RAPGEF2: variants seen among roughly 807,000 people sequenced by gnomAD.
RAPGEF2 encodes the protein Rap guanine nucleotide exchange factor 2, also known as PDZ domain containing guanine nucleotide exchange factor (GEF) 1.
In RAPGEF2, 54 loss-of-function variants were observed where a neutral mutation model predicts 186.7. The ratio of observed to expected loss-of-function variants is 0.29; its 90% CI spans 0.23 to 0.36. The LOEUF (loss-of-function observed/expected upper bound fraction) is 0.36, where lower values mean the gene tolerates loss of function less well. RAPGEF2 is among the 10% of genes least tolerant of loss of function. RAPGEF2 has a pLI of 1.00. For missense variants in RAPGEF2, 1,532 were observed against 2,045.0 expected (o/e 0.75, Z 4.84); for synonymous variants, 712 against 705.9 (o/e 1.01, Z -0.14).
chr4:159,257,237 A>G (rs921695765), intron 7 of RAPGEF2, among the ~76,000 whole-genome samples: 10 of 152,174 alleles, frequency 6.6e-5, no homozygotes, highest in African/African-American at 1.9e-4. Context: ...TGATAAAGGC[A>G]TACCTGACAC....
intron 9 of RAPGEF2, among the ~76,000 whole-genome samples, chr4:159,316,081 GC>G (rs1325615897): frequency 5.1e-4 from 77 of 152,270 alleles, no homozygotes; most frequent in East Asian, 2.1e-3. Flanking sequence ...CTGGCAACGG[GC>G]ATCTTCCCAG....
At chr4:159,206,232 G>A (rs959444123) in intron 3 of RAPGEF2, among the ~76,000 whole-genome samples, 8 of 152,268 alleles carry the variant, frequency 5.3e-5, no homozygotes, top group African/African-American at 1.4e-4. Context: ...GCCCAGCCGC[G>A]CAGGATCTTT....
chr4:159,196,562 TTCTCACC>T (rs1242680683), intron 3 of RAPGEF2, among the ~76,000 whole-genome samples: 1 of 152,246 alleles, frequency 6.6e-6, no homozygotes. Flanking sequence ...TACCTCGTTT[TTCTCACC>T]TATAATGTGG....
Position 159,130,101 on chromosome 4 carries a change from G to T in RAPGEF2, c.69+25870G>T, listed in dbSNP as rs141733246. 4.8e-3 allele frequency among the ~76,000 whole-genome samples: 734 copies of T among 152,234 alleles called. 3 individuals are homozygous for T. Among genetic ancestry groups the T allele is most frequent in the African/African-American group, 0.017 (698 of 41,530 alleles). ...TTTGTAAACTGTCATGGCGCTAGTG[G>T]GAGTGTCTTTTAGCAATCTAATGCA... On this transcript the variant is annotated intron_variant, in intron 1 of 29. Coordinates refer to ENST00000691494, the MANE Select transcript of RAPGEF2 (RefSeq NM_001394067.2).
At chr4:159,234,751 T>A (rs904076486) in intron 4 of RAPGEF2, among the ~76,000 whole-genome samples, 3 of 151,214 alleles carry the variant, frequency 2.0e-5, no homozygotes, top group East Asian at 2.0e-4. Context: ...CATGAGCCAC[T>A]GCTCCCAGCC....
chr4:159,138,522 TCTA>T (rs1422121705), intron 1 of RAPGEF2, among the ~76,000 whole-genome samples: 2 of 152,294 alleles, frequency 1.3e-5, no homozygotes, highest in East Asian at 3.9e-4. Flanking sequence ...TTAAGAGAAT[TCTA>T]CTGTGTTCAT....
At position 159,190,669 on chromosome 4, in the gene RAPGEF2, A is replaced by G. The variant is rs543162666; in HGVS notation, c.141-2531A>G. On this transcript the variant is annotated intron_variant, in intron 2 of 29. Coordinates refer to ENST00000691494, the MANE Select transcript of RAPGEF2 (RefSeq NM_001394067.2). ...TACAATCATGGCAGAAGGGGAAGCA[A>G]ACACATCTTTTTTCACAAGTGGCAG... 9.9e-5 allele frequency among the ~76,000 whole-genome samples: 15 copies of G among 152,262 alleles called. 1 individual carries two copies. The highest frequency in any genetic ancestry group is 3.4e-4 in the African/African-American group (14 of 41,552).
At chr4:159,346,676 T>G in intron 24 of RAPGEF2, 113 bp from the exon 25 acceptor site, 1 of 876,754 alleles carries the variant, frequency 1.1e-6, no homozygotes, top group Non-Finnish European at 1.8e-6. Context: ...AAGGTGTGCA[T>G]TAATTTAGTA....
chr4:159,293,994 G>A (rs1028723260), intron 7 of RAPGEF2, among the ~76,000 whole-genome samples: 8 of 152,160 alleles, frequency 5.3e-5, no homozygotes, highest in African/African-American at 1.9e-4. Context: ...CGGAAGGGAC[G>A]TTGGGAAATG....
At chr4:159,165,494 C>T (rs1451775507) in intron 1 of RAPGEF2, among the ~76,000 whole-genome samples, 1 of 152,148 alleles carries the variant, frequency 6.6e-6, no homozygotes, top group Non-Finnish European at 1.5e-5. Context: ...TGTGTCTTCT[C>T]TTTGCCTAAA....
chr4:159,112,707 C>T (rs918601388), intron 1 of RAPGEF2, among the ~76,000 whole-genome samples: 1 of 152,064 alleles, frequency 6.6e-6, no homozygotes, highest in African/African-American at 2.4e-5. Context: ...CAGGTAAACA[C>T]CATAGTAGCA....
chr4:159,196,962 G>A (rs76465512), intron 3 of RAPGEF2, among the ~76,000 whole-genome samples: 2,367 of 152,274 alleles, frequency 0.016, 36 homozygotes, highest in Non-Finnish European at 0.026. Flanking sequence ...GCATTAGAAA[G>A]TTAGAGAAAA....
At chr4:159,219,199 C>T (rs548973299) in intron 4 of RAPGEF2, among the ~76,000 whole-genome samples, 84 of 152,126 alleles carry the variant, frequency 5.5e-4, no homozygotes, top group South Asian at 1.2e-3. Flanking sequence ...CTGACATACC[C>T]GTATTAGTTT....
chr4:159,288,970 T>C (rs368432557), intron 7 of RAPGEF2, among the ~76,000 whole-genome samples: 4 of 152,334 alleles, frequency 2.6e-5, no homozygotes, highest in African/African-American at 2.4e-5. Flanking sequence ...TCTTAAATAG[T>C]ATCCTCTCCA....
intron 1 of RAPGEF2, among the ~76,000 whole-genome samples, chr4:159,154,285 T>C (rs898450060): frequency 1.3e-5 from 2 of 152,148 alleles, no homozygotes; most frequent in Non-Finnish European, 2.9e-5. Context: ...GCAAGAAAAC[T>C]TACTAGGTCG....
intron 1 of RAPGEF2, among the ~76,000 whole-genome samples, chr4:159,161,464 G>C (rs1365900484): frequency 2.6e-5 from 4 of 152,140 alleles, no homozygotes; most frequent in African/African-American, 9.7e-5. Context: ...CAGCACTTTG[G>C]GAGGCCAAGG....
intron 19 of RAPGEF2, among the ~76,000 whole-genome samples, chr4:159,340,877 C>T (rs969961343): frequency 2.0e-5 from 3 of 152,198 alleles, no homozygotes; most frequent in Non-Finnish European, 4.4e-5. Flanking sequence ...AAAAGGGGCT[C>T]CAGCCCTGTG....
chr4:159,357,746 G>A (rs1383522902), intron 29 of RAPGEF2, among the ~76,000 whole-genome samples: 1 of 152,168 alleles, frequency 6.6e-6, no homozygotes, highest in Non-Finnish European at 1.5e-5. Context: ...GTCACTTGCA[G>A]ATAGCCACTA....
chr4:159,293,872 G>T (rs1399134282), intron 7 of RAPGEF2, among the ~76,000 whole-genome samples: 3 of 152,216 alleles, frequency 2.0e-5, no homozygotes, highest in Non-Finnish European at 4.4e-5. Context: ...GAAAGGGAAA[G>T]ATCATGGAGG....
Sources: gnomAD v4.1 joint callset for allele counts (sites outside exome capture counted in the v4.1 genomes callset) on GRCh38, gnomAD v4.1.1 for gene constraint, MANE v1.5 for transcripts, NCBI Gene and HGNC (gene_info 2026-07-23, HGNC 2026-07-21) for gene names.